MTA3: variants seen among roughly 807,000 people sequenced by gnomAD.
The protein encoded by MTA3 is metastasis-associated protein MTA3.
MTA3 carries 34 observed loss-of-function variants against 83.5 expected under a neutral mutation model. That is an observed-to-expected ratio of 0.41 (90% CI 0.31 to 0.54). The LOEUF (loss-of-function observed/expected upper bound fraction) is 0.54, where lower values mean the gene tolerates loss of function less well. Among genes scored for constraint, MTA3 ranks in the 20% least tolerant of loss-of-function variants. The pLI is 0.33. For synonymous variants in MTA3, 303 were observed against 252.7 expected (o/e 1.20, Z -1.89); for missense variants, 761 against 726.4 (o/e 1.05, Z -0.55).
In MTA3 at chr2:42,584,450, C is replaced by G. The variant is rs76875271; in HGVS notation, c.190+5250C>G. ...TTTACTCAGATTCAAGAGTTGCTAA[C>G]ATTTTGCCCTATTGGCTTTATCATT... On this transcript the variant is annotated intron_variant, in intron 3 of 16. Transcript: ENST00000405094. 6.6e-3 allele frequency among the ~76,000 whole-genome samples: 1,006 copies of G among 152,276 alleles called. 10 individuals are homozygous for G. The highest frequency in any genetic ancestry group is 0.022 in the African/African-American group (919 of 41,546).
chr2:42,624,813 A>G (rs974131679), intron 4 of MTA3, among the ~76,000 whole-genome samples: 13 of 152,148 alleles, frequency 8.5e-5, no homozygotes, highest in Non-Finnish European at 1.3e-4. Flanking sequence ...TTTTTCCTCA[A>G]AACTTTGAAG....
At chr2:42,589,546 C>G (rs1680721645) in intron 3 of MTA3, among the ~76,000 whole-genome samples, 1 of 152,056 alleles carries the variant, frequency 6.6e-6, no homozygotes, top group Admixed American at 6.6e-5. Context: ...AAGGTAACCA[C>G]CTCTTTTTGG....
chr2:42,669,973 T>C (rs1359754635), intron 8 of MTA3, among the ~76,000 whole-genome samples: 1 of 152,140 alleles, frequency 6.6e-6, no homozygotes, highest in Non-Finnish European at 1.5e-5. Flanking sequence ...GGTTATAATT[T>C]CTTAAAACTA....
chr2:42,625,139 C>A (rs1573357793), intron 4 of MTA3, among the ~76,000 whole-genome samples: 1 of 152,002 alleles, frequency 6.6e-6, no homozygotes. Context: ...TCAAGCGATT[C>A]TCCTGCCTCA....
intron 2 of MTA3, among the ~76,000 whole-genome samples, chr2:42,574,585 T>C (rs979240523): frequency 2.6e-5 from 4 of 152,078 alleles, no homozygotes; most frequent in African/African-American, 9.7e-5. Context: ...TACAGGCACC[T>C]GCCACCACAC....
At chr2:42,712,091 A>G (rs1393308448) in intron 14 of MTA3, among the ~76,000 whole-genome samples, 1 of 152,156 alleles carries the variant, frequency 6.6e-6, no homozygotes, top group East Asian at 1.9e-4. Flanking sequence ...CCAGTGTCAT[A>G]GTCAGTTTAT....
At chr2:42,726,428 A>C (rs1471535810) in intron 16 of MTA3, among the ~76,000 whole-genome samples, 1 of 151,596 alleles carries the variant, frequency 6.6e-6, no homozygotes, top group African/African-American at 2.4e-5. Flanking sequence ...ATATGTATAC[A>C]TGTGCCATGC....
chr2:42,683,404 G>A (rs371598779), intron 9 of MTA3, among the ~76,000 whole-genome samples: 2 of 152,226 alleles, frequency 1.3e-5, no homozygotes, highest in African/African-American at 4.8e-5. Context: ...GTAGAGGAGT[G>A]GTCCCCAACC....
chr2:42,745,824 C>CTTTTTTTTATTTTTTTTTT (rs146921280), intron 16 of MTA3, among the ~76,000 whole-genome samples: 1 of 119,370 alleles, frequency 8.4e-6, no homozygotes, highest in African/African-American at 3.2e-5. Context: ...AAATAGTCCT[C>CTTTTTTTTATTTTTTTTTT]TTTTTTTTGA....
intron 6 of MTA3, among the ~76,000 whole-genome samples, chr2:42,648,942 C>T (rs1688453497): frequency 6.6e-6 from 1 of 152,104 alleles, no homozygotes; most frequent in Non-Finnish European, 1.5e-5. Context: ...ATGATTAACC[C>T]CTCCAAGTTC....
At chr2:42,552,851 G>A (rs1182081849) in intron 2 of MTA3, among the ~76,000 whole-genome samples, 2 of 151,926 alleles carry the variant, frequency 1.3e-5, no homozygotes, top group Admixed American at 1.3e-4. Context: ...TCGGGAGGCT[G>A]AGGCAGGAGA....
At chr2:42,580,220 A>G (rs1442364668) in intron 3 of MTA3, among the ~76,000 whole-genome samples, 1 of 151,944 alleles carries the variant, frequency 6.6e-6, no homozygotes, top group East Asian at 1.9e-4. Context: ...GGCTCAAGTG[A>G]TCCTCCTGCC....
intron 8 of MTA3, among the ~76,000 whole-genome samples, chr2:42,666,908 C>A (rs1432411904): frequency 6.6e-6 from 1 of 152,108 alleles, no homozygotes; most frequent in South Asian, 2.1e-4. Flanking sequence ...GTTTTCTGTT[C>A]CTTTGTTTAA....
chr2:42,567,996 G>C (rs906237167), upstream of MTA3: 1 of 152,270 alleles, frequency 6.6e-6, no homozygotes, highest in Non-Finnish European at 1.5e-5. Flanking sequence ...GACGCAGTTA[G>C]GGTGGCCTAG....
rs190987853 is a variant in MTA3, at chr2:42,662,931, G to A, written c.702+3069G>A. ...ATTTTTAGTAGAGACGGGTTTCACC[G>A]TGTTGGTCAGGCTGGTCTCGAATTC... On this transcript the variant is annotated intron_variant, in intron 8 of 16. Transcript: ENST00000405094. Among the ~76,000 whole-genome samples the A allele has an allele frequency of 7.9e-5, 12 of 151,966 alleles. No homozygotes were observed. In the East Asian group the frequency reaches 1.9e-3, roughly 25 times the overall value.
intron 2 of MTA3, among the ~76,000 whole-genome samples, chr2:42,530,042 G>C (rs775122238): frequency 1.3e-5 from 2 of 150,124 alleles, no homozygotes. Context: ...AAAATTAGCC[G>C]GGCGTGGTGG....
At chr2:42,547,304 C>T (rs139941563) in intron 2 of MTA3, among the ~76,000 whole-genome samples, 64 of 152,288 alleles carry the variant, frequency 4.2e-4, no homozygotes, top group African/African-American at 1.4e-3. Flanking sequence ...TACAGAACAG[C>T]TGGCTTGGTT....
At chr2:42,742,426 A>G (rs1558636470) in intron 16 of MTA3, among the ~76,000 whole-genome samples, 1 of 152,148 alleles carries the variant, frequency 6.6e-6, no homozygotes, top group Non-Finnish European at 1.5e-5. Context: ...GGCGTGAGTC[A>G]CTGAAGCCAT....
intron 2 of MTA3, among the ~76,000 whole-genome samples, chr2:42,517,059 A>T (rs1252110191): frequency 6.6e-6 from 1 of 152,060 alleles, no homozygotes; most frequent in Non-Finnish European, 1.5e-5. Flanking sequence ...GAGGAGTTTG[A>T]GACCAGCCTG....
Sources: allele counts gnomAD v4.1 joint callset (sites outside exome capture counted in the v4.1 genomes callset), GRCh38; gene constraint gnomAD v4.1.1; transcripts MANE v1.5; gene names NCBI Gene and HGNC (gene_info 2026-07-23, HGNC 2026-07-21).